OCIAD1: variants seen among roughly 807,000 people sequenced by gnomAD.
OCIAD1 encodes OCIA domain-containing protein 1.
Under a neutral mutation model 38.9 loss-of-function variants are expected in OCIAD1, and 29 were observed. The ratio of observed to expected loss-of-function variants is 0.74; its 90% CI spans 0.55 to 1.02. The LOEUF is 1.02. Among genes scored for constraint, OCIAD1 ranks in the 50% least tolerant of loss-of-function variants. The probability of loss-of-function intolerance (pLI) is 0.00; values close to 1 mark genes in which losing one functional copy is unlikely to be tolerated. For synonymous variants in OCIAD1, 110 were observed against 92.0 expected (o/e 1.20, Z -1.12); for missense variants, 288 against 289.6 (o/e 0.99, Z 0.04).
At chr4:48,822,084 C>T (rs949884847) in intron 1 of OCIAD1, among the ~76,000 whole-genome samples, 35 of 152,178 alleles carry the variant, frequency 2.3e-4, no homozygotes, top group African/African-American at 7.7e-4. Flanking sequence ...CCCACATAGC[C>T]AAGACAATCC....
rs537684095 is a variant in OCIAD1, at chr4:48,832,230, C to T, written c.-5-390C>T. Among the ~76,000 whole-genome samples, 6 of 151,972 alleles carry T rather than the reference C, an allele frequency of 3.9e-5. No individual in the cohort carries two copies. In the South Asian group the frequency reaches 1.2e-3, roughly 31 times the overall value. The stretch of plus-strand genomic sequence containing the variant: ...AATGACTTGAAATTTTTTTTCTCTT[C>T]TATTTTGGGGAATTATCCTAATCAT... On this transcript the variant is annotated intron_variant, in intron 1 of 8. Coordinates refer to ENST00000264312, the MANE Select transcript of OCIAD1 (RefSeq NM_017830.4).
intron 1 of OCIAD1, among the ~76,000 whole-genome samples, chr4:48,823,383 C>T (rs371787392): frequency 1.6e-4 from 25 of 151,566 alleles, no homozygotes; most frequent in African/African-American, 5.6e-4. Flanking sequence ...CACACCGGGA[C>T]CTGTTGGTGG....
chr4:48,859,744 C>T (rs895539574), intron 8 of OCIAD1, among the ~76,000 whole-genome samples: 6 of 152,102 alleles, frequency 3.9e-5, no homozygotes, highest in Non-Finnish European at 7.4e-5. Flanking sequence ...AGGGTAGATT[C>T]ACATGGTCAG....
At chr4:48,814,266 T>A (rs1370094448) in intron 1 of OCIAD1, among the ~76,000 whole-genome samples, 1 of 149,858 alleles carries the variant, frequency 6.7e-6, no homozygotes, top group African/African-American at 2.4e-5. Context: ...AATCCTTGCC[T>A]CTGCCTGAAA....
intron 6 of OCIAD1, 125 bp downstream of exon 6, chr4:48,850,207 T>C: frequency 1.0e-6 from 1 of 956,646 alleles, no homozygotes; most frequent in South Asian, 1.5e-5. Flanking sequence ...TGCTGTAGGC[T>C]AAAAGTAATT....
intron 1 of OCIAD1, among the ~76,000 whole-genome samples, chr4:48,806,209 G>C (rs1431887464): frequency 6.6e-6 from 1 of 152,174 alleles, no homozygotes; most frequent in Non-Finnish European, 1.5e-5. Flanking sequence ...GGAGGTTGCA[G>C]TGAGCCGAGA....
upstream of OCIAD1, among the ~76,000 whole-genome samples, chr4:48,826,184 G>C (rs1402036869): frequency 6.6e-6 from 1 of 151,932 alleles, no homozygotes; most frequent in African/African-American, 2.4e-5. Flanking sequence ...TTAAGTTCTA[G>C]GGTACATGTG....
At position 48,860,858 on chromosome 4, in the gene OCIAD1, T is replaced by TA; in HGVS notation, c.*99dup. 1 of 858,444 alleles carries TA rather than the reference T, an allele frequency of 1.2e-6. No individual in the cohort carries two copies. Among genetic ancestry groups the TA allele is most frequent in the Non-Finnish European group, 1.9e-6 (1 of 515,980 alleles). 53.2% of individuals were successfully genotyped at this position (858,444 alleles called of 1,614,324 possible). ...GCTTTGAGCTCAGCAGCAGTCTTCA[T>TA]AAACACATTTAAAACAAGATCCTGG... On this transcript the variant is annotated 3_prime_UTR_variant, in exon 9 of 9. Coordinates refer to ENST00000264312, the MANE Select transcript of OCIAD1 (RefSeq NM_017830.4).
rs780091180 is a variant in OCIAD1, at chr4:48,848,388, CTT to C, written c.194-8_194-7del. The C allele has an allele frequency of 4.7e-5, 66 of 1,390,586 alleles. No individual in the cohort carries two copies. The highest frequency in any genetic ancestry group is 6.4e-5 in the Non-Finnish European group (63 of 985,466). The allele number at this position is 1,390,586 out of a possible 1,614,324, so 86.1% of individuals were successfully genotyped here. On this transcript the variant is annotated splice_polypyrimidine_tract_variant and intron_variant, in intron 4 of 8. Coordinates refer to ENST00000264312, the MANE Select transcript of OCIAD1 (RefSeq NM_017830.4). ...CAGTGTTACTCAGAAATACTTAACTCTTTTCTTTAGGAATACTTTCAAGTCAT... is the reference window on the plus strand; with the variant it reads ...CAGTGTTACTCAGAAATACTTAACTCTTCTTTAGGAATACTTTCAAGTCAT...
chr4:48,808,565 C>T (rs1017541311), intron 1 of OCIAD1, among the ~76,000 whole-genome samples: 3 of 152,060 alleles, frequency 2.0e-5, no homozygotes, highest in African/African-American at 7.2e-5. Context: ...GATTAAGGAC[C>T]TTACAGAAGA....
upstream of OCIAD1, among the ~76,000 whole-genome samples, chr4:48,826,399 C>T (rs573138063): frequency 1.3e-5 from 2 of 152,144 alleles, no homozygotes; most frequent in Admixed American, 1.3e-4. Context: ...TGAGAACATG[C>T]GGTGTTTGGT....
chr4:48,834,910 T>C (rs1217473560), intron 3 of OCIAD1, among the ~76,000 whole-genome samples: 7 of 152,164 alleles, frequency 4.6e-5, no homozygotes, highest in Non-Finnish European at 7.4e-5. Flanking sequence ...ACAGACTTTG[T>C]CCTGAATTAA....
chr4:48,831,222 T>G lies in OCIAD1; in HGVS notation c.-33T>G, dbSNP rs1777452698. ...CTGCCCCTGATCGCTTGGTTTTCCT[T>G]GCAGTCGCCTGCTGCTGTCGTCGGG... On this transcript the variant is annotated 5_prime_UTR_variant, in exon 1 of 9. Coordinates refer to ENST00000264312, the MANE Select transcript of OCIAD1 (RefSeq NM_017830.4). 2 of 341,022 alleles carry G rather than the reference T, an allele frequency of 5.9e-6. No homozygotes were observed. The highest frequency in any genetic ancestry group is 1.2e-5 in the Non-Finnish European group (2 of 171,124). 21.1% of individuals were successfully genotyped at this position (341,022 alleles called of 1,614,324 possible).
chr4:48,849,853 T>C (rs1049998654), intron 5 of OCIAD1, 94 bp from the exon 6 acceptor site: 2 of 1,018,168 alleles, frequency 2.0e-6, no homozygotes, highest in Non-Finnish European at 2.9e-6. Context: ...AAGACTTATT[T>C]AGAATCACAC....
intron 8 of OCIAD1, among the ~76,000 whole-genome samples, chr4:48,859,503 T>C (rs1278200331): frequency 6.6e-6 from 1 of 152,208 alleles, no homozygotes; most frequent in Admixed American, 6.5e-5. Flanking sequence ...TAGGCTTCTA[T>C]GGTAATAGAG....
chr4:48,843,081 C>G (rs1560427420), intron 4 of OCIAD1, among the ~76,000 whole-genome samples: 2 of 152,148 alleles, frequency 1.3e-5, no homozygotes, highest in Non-Finnish European at 2.9e-5. Context: ...AGATCAGTAG[C>G]TCTCTAAACC....
intron 1 of OCIAD1, among the ~76,000 whole-genome samples, chr4:48,806,267 T>A (rs1777022530): frequency 6.6e-6 from 1 of 152,030 alleles, no homozygotes; most frequent in Non-Finnish European, 1.5e-5. Context: ...TCTGTCTCAA[T>A]AAATAAATAA....
chr4:48,806,826 G>A (rs1483344953), intron 1 of OCIAD1, among the ~76,000 whole-genome samples: 2 of 152,132 alleles, frequency 1.3e-5, no homozygotes, highest in East Asian at 1.9e-4. Context: ...GGATGGTCTC[G>A]ATCTCTTGAC....
intron 4 of OCIAD1, among the ~76,000 whole-genome samples, chr4:48,846,042 C>G (rs1778951615): frequency 6.6e-6 from 1 of 152,202 alleles, no homozygotes; most frequent in Non-Finnish European, 1.5e-5. Flanking sequence ...AACCATGACA[C>G]TATTATCTTT....
Sources: gnomAD v4.1 joint callset for allele counts (sites outside exome capture counted in the v4.1 genomes callset) on GRCh38, gnomAD v4.1.1 for gene constraint, MANE v1.5 for transcripts, NCBI Gene and HGNC (gene_info 2026-07-23, HGNC 2026-07-21) for gene names.